The following ZNF225 variants were observed in gnomAD, a reference collection of about 807,000 sequenced individuals.
The protein encoded by ZNF225 is zinc finger protein 225.
ZNF225 carries 6 observed loss-of-function variants against 12.0 expected under a neutral mutation model. That is an observed-to-expected ratio of 0.50 (90% CI 0.27 to 0.98). The LOEUF (loss-of-function observed/expected upper bound fraction) is 0.98. ZNF225 is among the 50% of genes least tolerant of loss of function. The pLI is 0.11. For missense variants in ZNF225, 763 were observed against 848.2 expected (o/e 0.90, Z 1.25); for synonymous variants, 271 against 283.2 (o/e 0.96, Z 0.43).
At chr19:44,128,928 A>T (rs1268629972) in intron 4 of ZNF225, 1 of 540,070 alleles carries the variant, frequency 1.9e-6, no homozygotes, top group African/African-American at 2.0e-5. Context: ...CAGTCCAATA[A>T]CTTCACATGG....
chr19:44,127,823 G>A (rs868360649), intron 4 of ZNF225, among the ~76,000 whole-genome samples: 1 of 151,802 alleles, frequency 6.6e-6, no homozygotes, highest in Admixed American at 6.6e-5. Context: ...GTATTTTTTA[G>A]TAGAGACAGA....
intron 4 of ZNF225, 192 bp from the exon 5 acceptor site, chr19:44,130,658 G>A (rs10413511): frequency 0.73 from 279,410 of 383,722 alleles, 107,584 homozygotes; most frequent in Non-Finnish European, 0.83. Flanking sequence ...CGGAGATCAC[G>A]CCACTGCACT....
rs199639812 is a variant in ZNF225 at position 44,131,795 on chromosome 19, A to G, written c.1181A>G (p.His394Arg). ...ASGLSRHVRV[H>R]SGETTFKCEE... is the part of the protein sequence containing the mutation. Reference sequence around the variant, plus strand: ...GGTCTTTCAAGACATGTGCGAGTCCACAGTGGAGAGACAACATTCAAATGT... The same window carrying G: ...GGTCTTTCAAGACATGTGCGAGTCCGCAGTGGAGAGACAACATTCAAATGT... The change falls in exon 5 of 5, where the codon CAC becomes CGC. Residue 394 changes from histidine (H) to arginine (R), a missense_variant. Coordinates refer to ENST00000262894, the MANE Select transcript of ZNF225 (RefSeq NM_013362.4). 4.1e-4 allele frequency: 654 copies of G among 1,614,266 alleles called. 1 individual carries two copies. Among genetic ancestry groups the G allele is most frequent in the Non-Finnish European group, 4.9e-4 (578 of 1,180,038 alleles).
intron 4 of ZNF225, among the ~76,000 whole-genome samples, chr19:44,125,686 G>C (rs537153942): frequency 2.0e-5 from 3 of 152,084 alleles, no homozygotes; most frequent in Admixed American, 6.5e-5. Context: ...CTTAGGTTTG[G>C]TCCTTTAACA....
chr19:44,126,713 T>C (rs1356791837), intron 4 of ZNF225, among the ~76,000 whole-genome samples: 1 of 152,128 alleles, frequency 6.6e-6, no homozygotes, highest in Non-Finnish European at 1.5e-5. Context: ...TGGGTCTTGC[T>C]GTGGCTGCTG....
At chr19:44,126,090 T>C (rs1303062963) in intron 4 of ZNF225, among the ~76,000 whole-genome samples, 3 of 152,146 alleles carry the variant, frequency 2.0e-5, no homozygotes, top group Non-Finnish European at 4.4e-5. Context: ...ACTAGTGTGA[T>C]ATTTTGGTGG....
intron 4 of ZNF225, among the ~76,000 whole-genome samples, chr19:44,126,040 A>G (rs1339047970): frequency 6.6e-6 from 1 of 152,058 alleles, no homozygotes; most frequent in African/African-American, 2.4e-5. Context: ...TTTTCAGGTA[A>G]ATCAGGGATT....
At chr19:44,114,362 T>C (rs537931663) in intron 1 of ZNF225, 5 of 391,420 alleles carry the variant, frequency 1.3e-5, no homozygotes, top group East Asian at 3.9e-5. Flanking sequence ...CATCGTTTTT[T>C]CTTGGTATTT....
intron 4 of ZNF225, among the ~76,000 whole-genome samples, chr19:44,126,885 A>G (rs1428274563): frequency 1.3e-5 from 2 of 152,164 alleles, no homozygotes; most frequent in Non-Finnish European, 2.9e-5. Flanking sequence ...TCTCACTCCC[A>G]CCATGCCCCC....
At position 44,118,274 on chromosome 19, in the gene ZNF225, A is replaced by G; in HGVS notation, c.102A>G (p.Arg34=). 1 of 1,613,466 alleles carries G rather than the reference A, an allele frequency of 6.2e-7. No homozygotes were observed. The highest frequency in any genetic ancestry group is 8.5e-7 in the Non-Finnish European group (1 of 1,179,742). ...LLDLAQRKLY[R]EVMLENFRNL... is the part of the protein sequence containing the mutation. ...ACCTTGCCCAGAGGAAACTGTACCG[A>G]GAAGTGATGCTGGAGAACTTCAGGA... is the stretch of plus-strand genomic sequence containing the variant. The change falls in exon 3 of 5, where the codon CGA becomes CGG. Residue 34 remains arginine, a synonymous_variant. Coordinates refer to ENST00000262894, the MANE Select transcript of ZNF225 (RefSeq NM_013362.4).
intron 1 of ZNF225, among the ~76,000 whole-genome samples, chr19:44,114,815 TG>T (rs1047794784): frequency 6.6e-6 from 1 of 152,214 alleles, no homozygotes; most frequent in African/African-American, 2.4e-5. Context: ...CAGCCTGAAG[TG>T]GTAAATTTCT....
chr19:44,118,330 C>T lies in ZNF225; in HGVS notation c.142+16C>T. 3 of 1,610,520 alleles carry T rather than the reference C, an allele frequency of 1.9e-6. No homozygotes were observed. The highest frequency in any genetic ancestry group is 1.1e-5 in the South Asian group (1 of 90,854). On this transcript the variant is annotated intron_variant, in intron 3 of 4. Transcript: ENST00000262894. Reference sequence around the variant, plus strand: ...CTCTCAGTGGGTGAGGACAGGCACCCTTTGTAAGGGAACATCAGGACCAGG... The same window carrying T: ...CTCTCAGTGGGTGAGGACAGGCACCTTTTGTAAGGGAACATCAGGACCAGG...
chr19:44,112,023 C>G (rs1364012718), upstream of ZNF225: 2 of 152,142 alleles, frequency 1.3e-5, no homozygotes, highest in Non-Finnish European at 2.9e-5. Context: ...AAGGGGTCTC[C>G]GAGCGGAAAA....
chr19:44,128,454 C>CT (rs1968190011), intron 4 of ZNF225: 1 of 152,142 alleles, frequency 6.6e-6, no homozygotes, highest in South Asian at 2.1e-4. Context: ...CCAAAAATCT[C>CT]TTATTTATAA....
Position 44,131,642 on chromosome 19 carries a change from G to A in ZNF225, c.1028G>A (p.Arg343Gln), listed in dbSNP as rs1036889307. Residue 343 changes from arginine (R) to glutamine (Q), a missense_variant, in exon 5 of 5, where the codon CGG becomes CAG. Arg to Gln is a conservative substitution (Grantham distance 43). Transcript: ENST00000262894. Reference protein sequence around the residue: ...SHRMVHTGEKRYKCEECGKRF... With the variant: ...SHRMVHTGEKQYKCEECGKRF... ...CGCATGGTCCACACAGGAGAGAAACGGTACAAATGTGAGGAATGTGGAAAA... is the reference window on the plus strand; with the variant it reads ...CGCATGGTCCACACAGGAGAGAAACAGTACAAATGTGAGGAATGTGGAAAA... The A allele has an allele frequency of 9.9e-6, 16 of 1,613,924 alleles. No homozygotes were observed. Among genetic ancestry groups the A allele is most frequent in the East Asian group, 6.7e-5 (3 of 44,882 alleles).
At position 44,115,794 on chromosome 19, in the gene ZNF225, A is replaced by G; in HGVS notation, c.-34A>G. On this transcript the variant is annotated 5_prime_UTR_variant, in exon 2 of 5. Coordinates refer to ENST00000262894, the MANE Select transcript of ZNF225 (RefSeq NM_013362.4). Reference sequence around the variant, plus strand: ...TGCTTTCCCTTGGACTGTATCACTCAGGACTCTGAATATTCCCTGAAATAG... The same window carrying G: ...TGCTTTCCCTTGGACTGTATCACTCGGGACTCTGAATATTCCCTGAAATAG... 1 of 1,611,454 alleles carries G rather than the reference A, an allele frequency of 6.2e-7. No individual in the cohort carries two copies.
chr19:44,112,950 C>T (rs1391042658), upstream of ZNF225: 1 of 152,152 alleles, frequency 6.6e-6, no homozygotes, highest in Admixed American at 6.6e-5. Context: ...ATTTTCTGTC[C>T]TGGACCAGGG....
In ZNF225 at chr19:44,132,402, C is replaced by A. The variant is rs1182559470; in HGVS notation, c.1788C>A (p.Phe596Leu). 1 of 1,613,946 alleles carries A rather than the reference C, an allele frequency of 6.2e-7. No individual in the cohort carries two copies. Among genetic ancestry groups the A allele is most frequent in the Non-Finnish European group, 8.5e-7 (1 of 1,179,990 alleles). ...HKRLHGDEKP[F>L]KCEECGKRFT... ...GACTCCATGGTGATGAAAAGCCATT[C>A]AAATGTGAAGAGTGTGGGAAGAGAT... Residue 596 changes from phenylalanine to leucine, a missense_variant, in exon 5 of 5, where the codon TTC (phenylalanine) becomes TTA (leucine). By Grantham distance (22) the Phe-to-Leu change is conservative. Transcript: ENST00000262894.
In ZNF225 at chr19:44,131,692, T is replaced by C; in HGVS notation, c.1078T>C (p.Tyr360His). Residue 360 changes from tyrosine to histidine, a missense_variant, in exon 5 of 5, where the codon TAT becomes CAT. By Grantham distance (83) the Tyr-to-His change is moderately conservative (BLOSUM62 2). Transcript: ENST00000262894. The part of the protein sequence containing the change: ...GKRFIYRQDL[Y>H]KHQIDHTGEK... ...ACGCTTCATTTATAGGCAAGATCTT[T>C]ATAAGCATCAGATAGACCACACAGG... The C allele has an allele frequency of 6.2e-7, 1 of 1,614,142 alleles. No individual in the cohort carries two copies. The highest frequency in any genetic ancestry group is 8.5e-7 in the Non-Finnish European group (1 of 1,180,002).
Sources: gnomAD v4.1 joint callset for allele counts (sites outside exome capture counted in the v4.1 genomes callset) on GRCh38, gnomAD v4.1.1 for gene constraint, MANE v1.5 for transcripts, NCBI Gene and HGNC (gene_info 2026-07-23, HGNC 2026-07-21) for gene names.